Variants in CACNA1C observed in about 807,000 individuals in gnomAD.
The protein encoded by CACNA1C is voltage-dependent L-type calcium channel subunit alpha-1C.
A neutral mutation model predicts 229.0 loss-of-function variants in CACNA1C; 30 were observed. The ratio of observed to expected loss-of-function variants is 0.13; its 90% CI spans 0.10 to 0.18. The LOEUF is 0.18. Ranked by LOEUF, CACNA1C falls within the 10% of genes least tolerant of loss-of-function variation. The pLI is 1.00. For synonymous variants in CACNA1C, 1,114 were observed against 1,132.5 expected (o/e 0.98, Z 0.33); for missense variants, 1,658 against 2,845.0 (o/e 0.58, Z 9.49).
intron 3 of CACNA1C, among the ~76,000 whole-genome samples, chr12:2,172,888 G>C (rs73050459): frequency 0.087 from 13,236 of 152,310 alleles, 866 homozygotes; most frequent in East Asian, 0.23. Flanking sequence ...AGCCTTGGCT[G>C]GGGCCTCATG....
chr12:2,488,353 A>C lies in CACNA1C; in HGVS notation c.916+2091A>C, dbSNP rs1186035431. On this transcript the variant is annotated intron_variant, in intron 6 of 46. Coordinates refer to ENST00000399655, the MANE Select transcript of CACNA1C (RefSeq NM_000719.7). The surrounding 1 kb of genome is among the most constrained non-coding windows in gnomAD (Gnocchi z 4.0). ...TCAGAAAATGGTGAGCATGGTAGAC[A>C]AAGAAAGCATGGCACGGGGAGGGAG... Among the ~76,000 whole-genome samples, 2 of 152,224 alleles carry C rather than the reference A, an allele frequency of 1.3e-5. No homozygotes were observed. The highest frequency in any genetic ancestry group is 2.9e-5 in the Non-Finnish European group (2 of 68,042).
intron 3 of CACNA1C, among the ~76,000 whole-genome samples, chr12:2,139,846 C>A (rs1268239249): frequency 6.6e-6 from 1 of 151,240 alleles, no homozygotes; most frequent in African/African-American, 2.4e-5. Flanking sequence ...GAGGCCGCTC[C>A]CAGGACACAG....
At chr12:2,369,522 C>G (rs991090097) in intron 3 of CACNA1C, among the ~76,000 whole-genome samples, 4 of 151,878 alleles carry the variant, frequency 2.6e-5, no homozygotes, top group Admixed American at 2.0e-4. Context: ...CCTCAGCCTT[C>G]CGAGTTGCTG....
intron 3 of CACNA1C, among the ~76,000 whole-genome samples, chr12:2,360,291 G>A (rs1473448507): frequency 6.6e-6 from 1 of 151,820 alleles, no homozygotes; most frequent in African/African-American, 2.4e-5. Context: ...GATTCCTCAG[G>A]TTGCTGCCTG....
rs943555305 is a variant in CACNA1C, at chr12:2,354,207, GCA to G, written c.478-94766_478-94765del. Among the ~76,000 whole-genome samples, 14 of 152,118 alleles carry G rather than the reference GCA, an allele frequency of 9.2e-5. No individual in the cohort carries two copies. The highest frequency in any genetic ancestry group is 3.4e-4 in the African/African-American group (14 of 41,424). ...AAGCCCCGCCTTTCATGTGGGCCCC[GCA>G]CAGTTAGGCTGCCCGAGTCCCTCTG... On this transcript the variant is annotated intron_variant, in intron 3 of 46. Coordinates refer to ENST00000399655, the MANE Select transcript of CACNA1C (RefSeq NM_000719.7). This position sits in a 1 kb window ranked among gnomAD's most constrained non-coding sequence, Gnocchi z 4.6.
In CACNA1C at chr12:2,575,035, C is replaced by T. The variant is rs1224955386; in HGVS notation, c.1896-6555C>T. Among the ~76,000 whole-genome samples the T allele has an allele frequency of 1.3e-5, 2 of 152,208 alleles. No individual in the cohort carries two copies. Among genetic ancestry groups the T allele is most frequent in the Non-Finnish European group, 2.9e-5 (2 of 68,042 alleles). The stretch of plus-strand genomic sequence containing the variant: ...TGAGTAGCCCCGTGGCCCAGAAGCT[C>T]AGAGAAGCATGCTGCTAAGGCCATC... On this transcript the variant is annotated intron_variant, in intron 13 of 46. Coordinates refer to ENST00000399655, the MANE Select transcript of CACNA1C (RefSeq NM_000719.7). The surrounding 1 kb of genome is among the most constrained non-coding windows in gnomAD (Gnocchi z 4.0).
chr12:2,369,105 G>A (rs1165397537), intron 3 of CACNA1C, among the ~76,000 whole-genome samples: 1 of 152,176 alleles, frequency 6.6e-6, no homozygotes, highest in Non-Finnish European at 1.5e-5. Context: ...ATAAAATAAT[G>A]CATCAGTCAA....
chr12:2,534,129 G>A (rs1209822063), intron 9 of CACNA1C, among the ~76,000 whole-genome samples: 1 of 152,060 alleles, frequency 6.6e-6, no homozygotes, highest in East Asian at 1.9e-4. Flanking sequence ...TCCAAGAGTG[G>A]GGCAGCAGGG....
chr12:2,374,146 G>T (rs1344896668), intron 3 of CACNA1C, among the ~76,000 whole-genome samples: 1 of 152,166 alleles, frequency 6.6e-6, no homozygotes, highest in African/African-American at 2.4e-5. Context: ...CTTCCCACGT[G>T]CACGTTTACT....
intron 1 of CACNA1C, among the ~76,000 whole-genome samples, chr12:2,101,626 C>G (rs538189898): frequency 2.0e-5 from 3 of 152,298 alleles, no homozygotes; most frequent in South Asian, 4.1e-4. Flanking sequence ...CCGTGACCCA[C>G]GAGGCTGGGT....
chr12:2,670,928 T>TA (rs2096537991), intron 38 of CACNA1C, among the ~76,000 whole-genome samples: 1 of 149,028 alleles, frequency 6.7e-6, no homozygotes, highest in Admixed American at 6.7e-5. Context: ...AGCAAAGGCT[T>TA]AAAAAATATA....
chr12:2,551,528 T>C (rs1228130141), intron 10 of CACNA1C, among the ~76,000 whole-genome samples: 5 of 151,998 alleles, frequency 3.3e-5, no homozygotes, highest in Non-Finnish European at 5.9e-5. Context: ...TCTTTCCCCA[T>C]CTCCCTACCT....
At chr12:2,406,805 T>C (rs758106748) in intron 3 of CACNA1C, among the ~76,000 whole-genome samples, 6 of 152,260 alleles carry the variant, frequency 3.9e-5, no homozygotes, top group Non-Finnish European at 5.9e-5. Flanking sequence ...TTCAAGTTGG[T>C]GCTTTCCTGT....
chr12:2,206,996 C>T (rs1023502922), intron 3 of CACNA1C, among the ~76,000 whole-genome samples: 4 of 152,324 alleles, frequency 2.6e-5, no homozygotes, highest in Admixed American at 2.6e-4. Flanking sequence ...TCTTGAGTTA[C>T]ATTTCAAGTA....
chr12:2,665,247 A>T lies in CACNA1C; in HGVS notation c.4398+257A>T, dbSNP rs1375220445. On this transcript the variant is annotated intron_variant, in intron 35 of 46. Transcript: ENST00000399655. This position sits in a 1 kb window ranked among gnomAD's most constrained non-coding sequence, Gnocchi z 5.9. ...CATTGTCCCAGAGGACAACGGGGAC[A>T]TGTGGGGGCCTAGAAAGAACTGTAC... Among the ~76,000 whole-genome samples, 5 of 152,220 alleles carry T rather than the reference A, an allele frequency of 3.3e-5. No individual in the cohort carries two copies. The highest frequency in any genetic ancestry group is 2.9e-5 in the Non-Finnish European group (2 of 68,044).
chr12:2,178,110 C>G (rs1379945274), intron 3 of CACNA1C, among the ~76,000 whole-genome samples: 1 of 152,230 alleles, frequency 6.6e-6, no homozygotes, highest in Admixed American at 6.5e-5. Context: ...GAAGCAGATT[C>G]TCCAAGGAAG....
intron 1 of CACNA1C, among the ~76,000 whole-genome samples, chr12:2,001,037 CAAAA>C (rs55946150): frequency 2.4e-5 from 3 of 124,364 alleles, no homozygotes; most frequent in African/African-American, 2.9e-5. Flanking sequence ...GACTTCGTCT[CAAAA>C]AAAAAAAAAA....
chr12:2,485,496 C>T (rs540084209), intron 5 of CACNA1C, among the ~76,000 whole-genome samples: 1 of 152,192 alleles, frequency 6.6e-6, no homozygotes, highest in Non-Finnish European at 1.5e-5. Context: ...TGTCCCCAGG[C>T]GGGCTTTTCC....
In CACNA1C at chr12:2,651,646, G is replaced by A; in HGVS notation, c.3952G>A (p.Glu1318Lys). The A allele has an allele frequency of 6.2e-7, 1 of 1,613,942 alleles. No homozygotes were observed. Among genetic ancestry groups the A allele is most frequent in the Non-Finnish European group, 8.5e-7 (1 of 1,179,856 alleles). Residue 1318 changes from glutamate to lysine, a missense_variant, in exon 32 of 47, where the codon GAG (glutamate) becomes AAG (lysine). By Grantham distance (56) the Glu-to-Lys change is moderately conservative. Around this residue, in one of 20 missense-constraint regions of CACNA1C, gnomAD observed 38 missense variants for 53.3 expected, o/e 0.71. Transcript: ENST00000399655. This position sits in a 1 kb window ranked among gnomAD's most constrained non-coding sequence, Gnocchi z 5.4. The stretch of plus-strand genomic sequence containing the variant: ...TGTTGCCGACGGGTTCCAGAACGCA[G>A]AGGAAAACTCCCGCATCTCCATCAC... ...HTQCSPSMNA[E>K]ENSRISITFF...
Sources: allele counts gnomAD v4.1 joint callset (sites outside exome capture counted in the v4.1 genomes callset), GRCh38; gene constraint gnomAD v4.1.1; regional missense constraint gnomAD v4.1.1; non-coding constraint Gnocchi (gnomAD v3.1); transcripts MANE v1.5; gene names NCBI Gene and HGNC (gene_info 2026-07-23, HGNC 2026-07-21).